Variants in WWC1 observed in about 807,000 individuals in gnomAD.
WWC1 encodes the protein WW and C2 domain containing 1.
A neutral mutation model predicts 138.4 loss-of-function variants in WWC1; 55 were observed. The observed-to-expected ratio is 0.40, with a 90% CI of 0.32 to 0.50. The LOEUF (loss-of-function observed/expected upper bound fraction) is 0.50. WWC1 is among the 20% of genes least tolerant of loss of function. The pLI is 0.72. For synonymous variants in WWC1, 524 were observed against 564.9 expected, an observed-to-expected ratio of 0.93 and a Z score of 1.03; for missense variants, 1,226 against 1,420.4, an observed-to-expected ratio of 0.86 and a Z score of 2.20.
chr5:168,419,821 A>T (rs1392135171), intron 9 of WWC1, among the ~76,000 whole-genome samples: 1 of 152,140 alleles, frequency 6.6e-6, no homozygotes, highest in Non-Finnish European at 1.5e-5. Flanking sequence ...AGTCCACCCA[A>T]GCTGCCCTCC....
At chr5:168,322,282 A>G (rs1772177058) in intron 1 of WWC1, among the ~76,000 whole-genome samples, 1 of 152,198 alleles carries the variant, frequency 6.6e-6, no homozygotes, top group South Asian at 2.1e-4. Context: ...AATACAAAAA[A>G]AAAAAAAAGT....
intron 22 of WWC1, 23 bp from the exon 23 acceptor site, chr5:168,468,928 T>C: frequency 6.2e-7 from 1 of 1,614,020 alleles, no homozygotes; most frequent in East Asian, 2.2e-5. Flanking sequence ...ACCCCTGCTC[T>C]AAAGGGATGG....
At chr5:168,352,259 G>GT (rs1384099626) in intron 1 of WWC1, among the ~76,000 whole-genome samples, 1 of 152,194 alleles carries the variant, frequency 6.6e-6, no homozygotes, top group Non-Finnish European at 1.5e-5. Context: ...GTCAAATAAT[G>GT]TTTACAAAGT....
At chr5:168,427,580 C>G (rs1781601792) in intron 11 of WWC1, among the ~76,000 whole-genome samples, 1 of 99,200 alleles carries the variant, frequency 1.0e-5, no homozygotes, top group Non-Finnish European at 1.9e-5. Context: ...TTTGCTTTAG[C>G]ATTTAGAGGT....
chr5:168,391,760 CATATATATATAT>C lies in WWC1; in HGVS notation c.434-5941_434-5930del, dbSNP rs70976481. Among the ~76,000 whole-genome samples the C allele has an allele frequency of 2.3e-3, 255 of 110,576 alleles. 1 individual carries two copies. The highest frequency in any genetic ancestry group is 5.4e-3 in the African/African-American group (158 of 29,002). 72.5% of individuals were successfully genotyped at this position (110,576 alleles called of 152,430 possible). ...TATCAGATAAAATATATTTTTAAGG[CATATATATATAT>C]ATATATATATATATATATATATGAT... is the stretch of plus-strand genomic sequence containing the variant. On this transcript the variant is annotated intron_variant, in intron 3 of 22. Transcript: ENST00000265293.
chr5:168,294,161 T>C (rs1769315525), intron 1 of WWC1, among the ~76,000 whole-genome samples: 1 of 152,196 alleles, frequency 6.6e-6, no homozygotes, highest in Admixed American at 6.5e-5. Flanking sequence ...GAGGCCCCTC[T>C]CAACAGTAAT....
intron 1 of WWC1, among the ~76,000 whole-genome samples, chr5:168,317,306 G>A (rs899760230): frequency 6.6e-6 from 1 of 152,228 alleles, no homozygotes; most frequent in Non-Finnish European, 1.5e-5. Context: ...CAGAGCGTTT[G>A]TCTGTGTGTC....
At chr5:168,406,504 G>A (rs1779804930) in intron 6 of WWC1, among the ~76,000 whole-genome samples, 177 bp downstream of exon 6, 1 of 152,180 alleles carries the variant, frequency 6.6e-6, no homozygotes, top group South Asian at 2.1e-4. Context: ...GAAGCATTAA[G>A]TGACTTTGCA....
intron 9 of WWC1, 99 bp from the exon 10 acceptor site, chr5:168,421,909 C>T (rs1250082259): frequency 4.6e-5 from 45 of 980,092 alleles, no homozygotes; most frequent in East Asian, 1.1e-4. Flanking sequence ...AAATGCTTTA[C>T]GGAAAGTTCT....
At chr5:168,417,909 C>G (rs973831413) in intron 9 of WWC1, among the ~76,000 whole-genome samples, 24 of 152,280 alleles carry the variant, frequency 1.6e-4, no homozygotes, top group African/African-American at 5.5e-4. Context: ...GAAAGCCGCC[C>G]CAGCTGTCTT....
intron 18 of WWC1, 104 bp downstream of exon 18, chr5:168,454,204 C>G: frequency 6.6e-7 from 1 of 1,512,394 alleles, no homozygotes; most frequent in African/African-American, 1.4e-5. Flanking sequence ...TGGCTTCCAG[C>G]ATCAGGGCAC....
intron 9 of WWC1, among the ~76,000 whole-genome samples, chr5:168,417,033 A>C (rs1338047363): frequency 6.6e-6 from 1 of 152,046 alleles, no homozygotes; most frequent in Non-Finnish European, 1.5e-5. Flanking sequence ...ACACCCAGCT[A>C]ATTTTTGTAT....
chr5:168,435,252 C>T (rs1027711099), intron 15 of WWC1, among the ~76,000 whole-genome samples: 1 of 152,118 alleles, frequency 6.6e-6, no homozygotes, highest in Non-Finnish European at 1.5e-5. Flanking sequence ...GAGGGTGGGC[C>T]TTCTGCACTC....
intron 17 of WWC1, among the ~76,000 whole-genome samples, chr5:168,453,394 T>C (rs929427496): frequency 1.3e-5 from 2 of 152,156 alleles, no homozygotes; most frequent in African/African-American, 4.8e-5. Flanking sequence ...CAGCTAATCA[T>C]GGCTGCCTAG....
chr5:168,409,978 T>A lies in WWC1; in HGVS notation c.924T>A (p.Tyr308Ter). The A allele has an allele frequency of 6.2e-7, 1 of 1,613,936 alleles. No individual in the cohort carries two copies. Among genetic ancestry groups the A allele is most frequent in the East Asian group, 2.2e-5 (1 of 44,876 alleles). ...AGAAGGTCAGATTGCGCCTTCGATATGAAGAGGCTAAGAGAAGGTAATTGG... is the reference window on the plus strand; with the variant it reads ...AGAAGGTCAGATTGCGCCTTCGATAAGAAGAGGCTAAGAGAAGGTAATTGG... ...LAEKVRLRLR[Y>*]EEAKRRIANL... The change falls in exon 8 of 23, where the codon TAT (tyrosine) becomes TAA (stop). Residue 308 changes from tyrosine (Y) to a stop codon, truncating the protein, a stop_gained. Transcript: ENST00000265293. LOFTEE classifies it high-confidence loss of function.
chr5:168,314,527 A>G lies in WWC1; in HGVS notation c.119+22256A>G, dbSNP rs182867021. 2.3e-4 allele frequency among the ~76,000 whole-genome samples: 35 copies of G among 152,272 alleles called. No individual in the cohort carries two copies. In the East Asian group the frequency reaches 6.4e-3, roughly 28 times the overall value. ...GGTTGCAGTGAGCCGAGATTGCGCC[A>G]TTGGACTCAAGCCTGGGCAACAAGA... is the stretch of plus-strand genomic sequence containing the variant. On this transcript the variant is annotated intron_variant, in intron 1 of 22. Transcript: ENST00000265293.
Position 168,292,041 on chromosome 5 carries a change from C to A in WWC1, c.-112C>A, listed in dbSNP as rs1404685519. ...GGCCCCCCATCTGCGGGCGCCACCC[C>A]CCGGATCATGGTGCCTCGGCGGCCG... On this transcript the variant is annotated 5_prime_UTR_variant, in exon 1 of 23. Coordinates refer to ENST00000265293, the MANE Select transcript of WWC1 (RefSeq NM_015238.3). This position sits in a 1 kb window ranked among gnomAD's most constrained non-coding sequence, Gnocchi z 4.4. 1.5e-6 allele frequency: 2 copies of A among 1,326,816 alleles called. No homozygotes were observed. Among genetic ancestry groups the A allele is most frequent in the Non-Finnish European group, 1.9e-6 (2 of 1,030,322 alleles). The allele number at this position is 1,326,816 out of a possible 1,614,324, so 82.2% of individuals were successfully genotyped here.
intron 1 of WWC1, among the ~76,000 whole-genome samples, chr5:168,294,076 G>A (rs1399926106): frequency 6.6e-6 from 1 of 152,158 alleles, no homozygotes; most frequent in Non-Finnish European, 1.5e-5. Flanking sequence ...GCAGGTGGAC[G>A]TCCTGTTGGA....
intron 5 of WWC1, among the ~76,000 whole-genome samples, chr5:168,404,758 C>T (rs1003326609): frequency 1.3e-5 from 2 of 152,098 alleles, no homozygotes; most frequent in Non-Finnish European, 2.9e-5. Flanking sequence ...TAGCCTTTGG[C>T]GAAAGTGTGA....
Sources: gnomAD v4.1 joint callset for allele counts (sites outside exome capture counted in the v4.1 genomes callset) on GRCh38, gnomAD v4.1.1 for gene constraint, Gnocchi (gnomAD v3.1) non-coding constraint, MANE v1.5 for transcripts, NCBI Gene and HGNC (gene_info 2026-07-23, HGNC 2026-07-21) for gene names.